MBNL1: variants seen among roughly 807,000 people sequenced by gnomAD.
The protein encoded by MBNL1 is muscleblind like splicing regulator 1.
Under a neutral mutation model 42.2 loss-of-function variants are expected in MBNL1, and 8 were observed. That is an observed-to-expected ratio of 0.19 (90% CI 0.11 to 0.34). The LOEUF is 0.34. MBNL1 is among the 10% of genes least tolerant of loss of function. The pLI is 1.00. For missense variants in MBNL1, 309 were observed against 495.3 expected (o/e 0.62, Z 3.57); for synonymous variants, 169 against 173.9 (o/e 0.97, Z 0.22).
chr3:152,379,115 C>T (rs1004692908), intron 2 of MBNL1, among the ~76,000 whole-genome samples: 11 of 152,158 alleles, frequency 7.2e-5, no homozygotes, highest in African/African-American at 2.7e-4. Flanking sequence ...AACAAATAAT[C>T]TCAAACTAGA....
intron 2 of MBNL1, among the ~76,000 whole-genome samples, chr3:152,386,849 T>C (rs1179636265): frequency 6.6e-6 from 1 of 152,192 alleles, no homozygotes; most frequent in East Asian, 1.9e-4. Context: ...TATTTCCTTA[T>C]GGCTCTGACT....
At chr3:152,410,805 A>G (rs2098548117) in intron 2 of MBNL1, among the ~76,000 whole-genome samples, 1 of 152,262 alleles carries the variant, frequency 6.6e-6, no homozygotes, top group Non-Finnish European at 1.5e-5. Context: ...TTCTTGGTGT[A>G]TGTGGCAAAT....
intron 2 of MBNL1, among the ~76,000 whole-genome samples, chr3:152,405,136 C>T (rs147934879): frequency 1.2e-4 from 19 of 152,260 alleles, no homozygotes; most frequent in African/African-American, 4.1e-4. Flanking sequence ...GGGTTGAAGA[C>T]TTCCATTTGG....
chr3:152,369,927 GTCTA>G (rs1371919853), intron 2 of MBNL1, among the ~76,000 whole-genome samples: 5 of 152,028 alleles, frequency 3.3e-5, no homozygotes, highest in African/African-American at 4.8e-5. Flanking sequence ...CTGGCTAGTA[GTCTA>G]TCTATTTTGT....
intron 2 of MBNL1, among the ~76,000 whole-genome samples, chr3:152,312,023 C>G (rs943367739): frequency 2.6e-5 from 4 of 151,504 alleles, no homozygotes; most frequent in African/African-American, 4.8e-5. Flanking sequence ...AACCCCGTCT[C>G]TACTAAAAAT....
intron 1 of MBNL1, among the ~76,000 whole-genome samples, chr3:152,278,640 G>C (rs1448262784): frequency 6.6e-6 from 1 of 152,026 alleles, no homozygotes; most frequent in Non-Finnish European, 1.5e-5. Context: ...AATTAATTTA[G>C]GAAGAATAGT....
intron 2 of MBNL1, among the ~76,000 whole-genome samples, chr3:152,358,646 C>T (rs1231748775): frequency 1.3e-5 from 2 of 151,792 alleles, no homozygotes; most frequent in East Asian, 3.9e-4. Context: ...TTGCTTCTTC[C>T]CTGATTATGG....
chr3:152,355,942 A>G (rs1036890312), intron 2 of MBNL1, among the ~76,000 whole-genome samples: 14 of 152,236 alleles, frequency 9.2e-5, no homozygotes, highest in Non-Finnish European at 1.9e-4. Context: ...GTAAACAGCC[A>G]TCGTAGGAGT....
At position 152,374,290 on chromosome 3, in the gene MBNL1, G is replaced by A. The variant is rs1273011889; in HGVS notation, c.175-40651G>A. 2.0e-5 allele frequency among the ~76,000 whole-genome samples: 3 copies of A among 152,210 alleles called. No homozygotes were observed. In the South Asian group the frequency reaches 6.2e-4, roughly 32 times the overall value. The stretch of plus-strand genomic sequence containing the variant: ...TTTTTAAAAGTGATTTTTGTGGGAG[G>A]TCAGAGTTGGATGGAGAAGGGTCAT... On this transcript the variant is annotated intron_variant, in intron 2 of 9. Coordinates refer to ENST00000324210, the MANE Select transcript of MBNL1 (RefSeq NM_021038.5).
intron 1 of MBNL1, among the ~76,000 whole-genome samples, chr3:152,288,370 G>T (rs1366374731): frequency 6.6e-6 from 1 of 152,132 alleles, no homozygotes; most frequent in Admixed American, 6.6e-5. Context: ...GAATGACTGC[G>T]AGTGGAACCC....
intron 2 of MBNL1, among the ~76,000 whole-genome samples, chr3:152,401,889 G>A (rs865952342): frequency 4.6e-5 from 7 of 151,948 alleles, no homozygotes; most frequent in African/African-American, 1.2e-4. Context: ...AAAATCAGCC[G>A]TGTGTTGTGG....
intron 2 of MBNL1, among the ~76,000 whole-genome samples, chr3:152,308,804 T>TTTTTG (rs1434826549): frequency 6.6e-6 from 1 of 152,090 alleles, no homozygotes; most frequent in Non-Finnish European, 1.5e-5. Context: ...TCAAACTCAA[T>TTTTTG]TTTTGTTTTG....
Position 152,465,617 on chromosome 3 carries a change from T to C in MBNL1, c.*3251T>C, listed in dbSNP as rs1195434654. On this transcript the variant is annotated 3_prime_UTR_variant, in exon 10 of 10. Transcript: ENST00000324210. ...GGACAAATGTGCTTGGTTTTACTAT[T>C]ATGTAATCACAACTTACTTTCTGCT... 3 of 152,654 alleles carry C rather than the reference T, an allele frequency of 2.0e-5. No individual in the cohort carries two copies. Among genetic ancestry groups the C allele is most frequent in the African/African-American group, 4.8e-5 (2 of 41,448 alleles). 9.5% of individuals were successfully genotyped at this position (152,654 alleles called of 1,614,324 possible). A position where few individuals can be genotyped will look rare whatever the true frequency, so the allele number is the denominator to read the frequency against.
intron 2 of MBNL1, among the ~76,000 whole-genome samples, chr3:152,334,805 C>G (rs2088449557): frequency 6.6e-6 from 1 of 152,082 alleles, no homozygotes; most frequent in Non-Finnish European, 1.5e-5. Context: ...ATAAAGTAAA[C>G]TTTTAAGAGC....
intron 1 of MBNL1, among the ~76,000 whole-genome samples, chr3:152,283,648 A>T (rs532704940): frequency 4.6e-5 from 7 of 152,318 alleles, no homozygotes; most frequent in African/African-American, 1.7e-4. Flanking sequence ...TTACTAAAAA[A>T]GTGAAGGCTG....
intron 2 of MBNL1, among the ~76,000 whole-genome samples, chr3:152,412,529 A>G (rs1359246149): frequency 6.6e-6 from 1 of 152,196 alleles, no homozygotes; most frequent in East Asian, 1.9e-4. Context: ...CTGAGCATAG[A>G]AAGGTACCAT....
chr3:152,282,739 G>A (rs997337890), intron 1 of MBNL1, among the ~76,000 whole-genome samples: 3 of 151,900 alleles, frequency 2.0e-5, no homozygotes, highest in Admixed American at 6.6e-5. Flanking sequence ...TTATTTTACA[G>A]CATCTACCAA....
intron 2 of MBNL1, among the ~76,000 whole-genome samples, chr3:152,400,366 A>G (rs1175321043): frequency 6.6e-6 from 1 of 152,238 alleles, no homozygotes; most frequent in African/African-American, 2.4e-5. Flanking sequence ...AAATTGAGTT[A>G]TAAAAGCAAT....
intron 2 of MBNL1, among the ~76,000 whole-genome samples, chr3:152,351,575 A>G (rs1186802460): frequency 2.6e-5 from 4 of 152,166 alleles, no homozygotes; most frequent in South Asian, 2.1e-4. Context: ...ACTTGTACAT[A>G]TATGGTACAA....
Sources: gnomAD v4.1 joint callset for allele counts (sites outside exome capture counted in the v4.1 genomes callset) on GRCh38, gnomAD v4.1.1 for gene constraint, MANE v1.5 for transcripts, NCBI Gene and HGNC (gene_info 2026-07-23, HGNC 2026-07-21) for gene names.